Variants in CEP83 observed in about 807,000 individuals in gnomAD.
CEP83 encodes centrosomal protein 83, also known as centrosomal protein of 83 kDa.
Under a neutral mutation model 101.9 loss-of-function variants are expected in CEP83, and 70 were observed. That is an observed-to-expected ratio of 0.69 (90% CI 0.57 to 0.84). CEP83 has a LOEUF of 0.84. CEP83 is among the 40% of genes least tolerant of loss of function. The probability of loss-of-function intolerance (pLI) is 0.00; values close to 1 mark genes in which losing one functional copy is unlikely to be tolerated. For synonymous variants in CEP83, 264 were observed against 267.9 expected (o/e 0.99, Z 0.14); for missense variants, 715 against 787.2 (o/e 0.91, Z 1.10).
At chr12:94,363,604 C>A (rs2060880000) in intron 11 of CEP83, among the ~76,000 whole-genome samples, 2 of 151,988 alleles carry the variant, frequency 1.3e-5, no homozygotes, top group South Asian at 2.1e-4. Flanking sequence ...ATAAACAAAT[C>A]GATAAATATA....
rs544395878 is a variant in CEP83, at chr12:94,340,565, T to A, written c.1344-4901A>T. Among the ~76,000 whole-genome samples the A allele has an allele frequency of 3.9e-5, 6 of 152,072 alleles. No homozygotes were observed. The East Asian group carries it at 9.7e-4, about 25-fold the overall frequency. On this transcript the variant is annotated intron_variant, in intron 11 of 16. Coordinates refer to ENST00000397809, the MANE Select transcript of CEP83 (RefSeq NM_016122.3). ...AATTCTCCTGCCTCAGCCTCCTGAGTAGCTGGGACTATAGGTGGCTGCCAC... is the reference window on the plus strand; with the variant it reads ...AATTCTCCTGCCTCAGCCTCCTGAGAAGCTGGGACTATAGGTGGCTGCCAC...
the CEP83 span, chr12:94,282,307 T>C: frequency 1.7e-5 from 27 of 1,612,086 alleles, no homozygotes; most frequent in Non-Finnish European, 2.1e-5. Flanking sequence ...GAGCTTCAAA[T>C]GGGCACACGA....
Position 94,379,020 on chromosome 12 carries a change from T to C in CEP83, c.572A>G (p.Lys191Arg), listed in dbSNP as rs754434297. Reference sequence around the variant, plus strand: ...AAGCAGCTGGTTACGTAGTTCTTCTTTATCTTCCTCCAGTCTTGCAATCTA... The same window carrying C: ...AAGCAGCTGGTTACGTAGTTCTTCTCTATCTTCCTCCAGTCTTGCAATCTA... ...ESEIARLEED[K>R]EELRNQLLNV... The change falls in exon 7 of 17, where the codon AAA becomes AGA. Residue 191 changes from lysine (K) to arginine (R), a missense_variant. Coordinates refer to ENST00000397809, the MANE Select transcript of CEP83 (RefSeq NM_016122.3). 6.2e-7 allele frequency: 1 copy of C among 1,610,190 alleles called. No homozygotes were observed. Among genetic ancestry groups the C allele is most frequent in the South Asian group, 1.1e-5 (1 of 90,662 alleles).
intron 6 of CEP83, among the ~76,000 whole-genome samples, chr12:94,398,827 G>A (rs923194514): frequency 6.6e-6 from 1 of 152,136 alleles, no homozygotes; most frequent in Non-Finnish European, 1.5e-5. Context: ...CATTCCTGGG[G>A]GGAGGTCTAT....
At chr12:94,410,402 T>C (rs1385400963) in intron 4 of CEP83, among the ~76,000 whole-genome samples, 3 of 152,226 alleles carry the variant, frequency 2.0e-5, no homozygotes, top group African/African-American at 4.8e-5. Flanking sequence ...TAGTTACTTG[T>C]TGAAGTTATC....
intron 8 of CEP83, among the ~76,000 whole-genome samples, chr12:94,372,387 G>C (rs543476091): frequency 6.6e-6 from 1 of 152,166 alleles, no homozygotes; most frequent in South Asian, 2.1e-4. Context: ...CTGTAGATTG[G>C]ATTTTACTAC....
At chr12:94,274,334 TAAAA>T in the CEP83 span, among the ~76,000 whole-genome samples, 1 of 151,820 alleles carries the variant, frequency 6.6e-6, no homozygotes, top group Non-Finnish European at 1.5e-5. Flanking sequence ...CCCTGTCTAT[TAAAA>T]AAGAAAGAAA....
intron 11 of CEP83, among the ~76,000 whole-genome samples, chr12:94,346,387 G>A (rs1056890314): frequency 3.4e-5 from 5 of 148,774 alleles, no homozygotes; most frequent in African/African-American, 1.0e-4. Flanking sequence ...ATTTGTATCC[G>A]CAGTGAGCTG....
intron 6 of CEP83, among the ~76,000 whole-genome samples, chr12:94,399,501 G>A (rs2063121269): frequency 6.6e-6 from 1 of 152,142 alleles, no homozygotes; most frequent in Non-Finnish European, 1.5e-5. Flanking sequence ...CTTGAGGCCA[G>A]TAGTCCGAGA....
chr12:94,328,645 T>C (rs994030675), intron 14 of CEP83, among the ~76,000 whole-genome samples: 2 of 152,252 alleles, frequency 1.3e-5, no homozygotes, highest in South Asian at 2.1e-4. Flanking sequence ...AGAAGCATTA[T>C]CTTTAACTTG....
the CEP83 span, among the ~76,000 whole-genome samples, chr12:94,284,979 G>C: frequency 1.3e-5 from 2 of 152,172 alleles, no homozygotes; most frequent in Non-Finnish European, 2.9e-5. Context: ...GGTGAGGATT[G>C]GTGCTGTCCA....
chr12:94,415,483 ACT>A (rs1385264878), intron 2 of CEP83, among the ~76,000 whole-genome samples: 4 of 152,234 alleles, frequency 2.6e-5, no homozygotes, highest in East Asian at 3.9e-4. Flanking sequence ...TCAAAAGTAC[ACT>A]GATACAACAC....
chr12:94,368,776 A>G (rs916695041), intron 9 of CEP83: 1 of 152,252 alleles, frequency 6.6e-6, no homozygotes. Flanking sequence ...AACAAAATGC[A>G]GCATTCTTTA....
At chr12:94,361,253 C>T (rs115728719) in intron 11 of CEP83, 1 of 152,182 alleles carries the variant, frequency 6.6e-6, no homozygotes, top group Non-Finnish European at 1.5e-5. Context: ...ATAGTCTCAG[C>T]TACTTGGGAA....
chr12:94,348,970 A>G (rs1347540903), intron 11 of CEP83, among the ~76,000 whole-genome samples: 1 of 113,282 alleles, frequency 8.8e-6, no homozygotes, highest in Non-Finnish European at 1.9e-5. Context: ...CACAACGAGC[A>G]GGATGCAGAA....
At chr12:94,356,622 A>G (rs932145981) in intron 11 of CEP83, among the ~76,000 whole-genome samples, 4 of 152,260 alleles carry the variant, frequency 2.6e-5, no homozygotes, top group Non-Finnish European at 4.4e-5. Flanking sequence ...GCTATATTTG[A>G]GCCTTTTCCT....
intron 2 of CEP83, among the ~76,000 whole-genome samples, chr12:94,428,314 T>G (rs545356366): frequency 3.0e-4 from 46 of 152,354 alleles, no homozygotes; most frequent in Non-Finnish European, 6.5e-4. Flanking sequence ...TTCCAGAAGA[T>G]TTATGAGCAC....
At chr12:94,409,930 A>C (rs1001173588) in intron 4 of CEP83, among the ~76,000 whole-genome samples, 5 of 152,166 alleles carry the variant, frequency 3.3e-5, no homozygotes, top group Non-Finnish European at 5.9e-5. Flanking sequence ...TTAACTAATT[A>C]CATCTGTAAT....
At chr12:94,272,826 AGTGGGTTCT>A in the CEP83 span, among the ~76,000 whole-genome samples, 1 of 152,228 alleles carries the variant, frequency 6.6e-6, no homozygotes, top group African/African-American at 2.4e-5. Context: ...CTCCAGATTC[AGTGGGTTCT>A]GTGGGGTTCA....
Sources: gnomAD v4.1 joint callset for allele counts (sites outside exome capture counted in the v4.1 genomes callset) on GRCh38, gnomAD v4.1.1 for gene constraint, MANE v1.5 for transcripts, NCBI Gene and HGNC (gene_info 2026-07-23, HGNC 2026-07-21) for gene names.